PTPRM: variants seen among roughly 807,000 people sequenced by gnomAD.
The protein encoded by PTPRM is protein tyrosine phosphatase receptor type M.
PTPRM carries 47 observed loss-of-function variants against 186.7 expected under a neutral mutation model. The observed-to-expected ratio is 0.25, with a 90% CI of 0.20 to 0.32. The LOEUF (loss-of-function observed/expected upper bound fraction) is 0.32. PTPRM is among the 10% of genes least tolerant of loss of function. The pLI is 1.00. For missense variants in PTPRM, 1,494 were observed against 1,865.0 expected, an observed-to-expected ratio of 0.80 and a Z score of 3.66; for synonymous variants, 668 against 674.9, an observed-to-expected ratio of 0.99 and a Z score of 0.16.
chr18:7,702,958 T>C (rs1363361198), intron 1 of PTPRM, among the ~76,000 whole-genome samples: 1 of 152,222 alleles, frequency 6.6e-6, no homozygotes, highest in East Asian at 1.9e-4. Flanking sequence ...TTGCTGTTTT[T>C]GTCAGGTTTG....
At chr18:8,355,905 T>C (rs2095560967) in intron 23 of PTPRM, among the ~76,000 whole-genome samples, 1 of 152,162 alleles carries the variant, frequency 6.6e-6, no homozygotes, top group Non-Finnish European at 1.5e-5. Context: ...GACAGTGAGC[T>C]CTCTGGTCTC....
chr18:8,163,575 C>T (rs766944560), intron 14 of PTPRM, among the ~76,000 whole-genome samples: 2 of 152,134 alleles, frequency 1.3e-5, no homozygotes, highest in Non-Finnish European at 2.9e-5. Flanking sequence ...ATGTTCTTAT[C>T]CTGTGTACCT....
At chr18:7,597,296 T>G (rs2037290500) in intron 1 of PTPRM, among the ~76,000 whole-genome samples, 2 of 152,314 alleles carry the variant, frequency 1.3e-5, no homozygotes, top group African/African-American at 4.8e-5. Context: ...CCTTGAGGTG[T>G]GAAGTGGGGC....
At chr18:8,279,235 C>G (rs2094873625) in intron 19 of PTPRM, among the ~76,000 whole-genome samples, 1 of 152,104 alleles carries the variant, frequency 6.6e-6, no homozygotes, top group South Asian at 2.1e-4. Flanking sequence ...ATAATGACCT[C>G]TATCAAGGTC....
chr18:8,207,296 T>G (rs1343843059), intron 14 of PTPRM, among the ~76,000 whole-genome samples: 1 of 152,178 alleles, frequency 6.6e-6, no homozygotes, highest in Non-Finnish European at 1.5e-5. Context: ...GGGAAGCAAT[T>G]TATAGCTTGC....
chr18:8,185,884 C>G (rs995285070), intron 14 of PTPRM, among the ~76,000 whole-genome samples: 16 of 152,108 alleles, frequency 1.1e-4, no homozygotes, highest in African/African-American at 3.9e-4. Context: ...AAATGTGTCT[C>G]CCAATGTTGC....
intron 1 of PTPRM, among the ~76,000 whole-genome samples, chr18:7,678,638 CCT>C (rs1555650736): frequency 0.013 from 1,930 of 152,226 alleles, 8 homozygotes; most frequent in Non-Finnish European, 0.019. Context: ...GAAGTCCACC[CCT>C]GTTTTATTTT....
intron 23 of PTPRM, among the ~76,000 whole-genome samples, chr18:8,364,714 C>G (rs1238005916): frequency 6.6e-6 from 1 of 152,158 alleles, no homozygotes; most frequent in Non-Finnish European, 1.5e-5. Context: ...AAAGAAGAGT[C>G]TCTTAAAAAC....
chr18:7,998,405 C>A (rs1296272434), intron 7 of PTPRM, among the ~76,000 whole-genome samples: 1 of 151,874 alleles, frequency 6.6e-6, no homozygotes, highest in African/African-American at 2.4e-5. Flanking sequence ...CCCCAATTAC[C>A]CTGATTTGAT....
chr18:7,906,314 C>T (rs2049979884), intron 3 of PTPRM, among the ~76,000 whole-genome samples, 191 bp from the exon 4 acceptor site: 1 of 152,156 alleles, frequency 6.6e-6, no homozygotes, highest in Non-Finnish European at 1.5e-5. Flanking sequence ...CTATTGACCT[C>T]CCTGAAGACT....
chr18:7,854,968 AC>A (rs2047026834), intron 2 of PTPRM, among the ~76,000 whole-genome samples: 1 of 152,080 alleles, frequency 6.6e-6, no homozygotes, highest in South Asian at 2.1e-4. Flanking sequence ...AGCATCTCCT[AC>A]CCTCAGAAAT....
chr18:8,349,186 A>T (rs966128258), intron 23 of PTPRM, among the ~76,000 whole-genome samples: 19 of 152,240 alleles, frequency 1.2e-4, no homozygotes, highest in Non-Finnish European at 2.4e-4. Context: ...TGCAACAGCC[A>T]CCAGACCCAG....
intron 22 of PTPRM, among the ~76,000 whole-genome samples, chr18:8,319,745 T>C (rs1451961393): frequency 1.3e-5 from 2 of 152,172 alleles, no homozygotes; most frequent in African/African-American, 2.4e-5. Context: ...GTGGGATGAC[T>C]CAAAAACCGT....
intron 1 of PTPRM, among the ~76,000 whole-genome samples, chr18:7,679,916 A>C (rs1053601630): frequency 5.9e-5 from 9 of 151,992 alleles, no homozygotes; most frequent in Admixed American, 2.0e-4. Context: ...CTCAGGCTGG[A>C]GTGCAGTGGC....
At chr18:7,825,779 G>A (rs1234459339) in intron 2 of PTPRM, among the ~76,000 whole-genome samples, 2 of 152,136 alleles carry the variant, frequency 1.3e-5, no homozygotes, top group Non-Finnish European at 2.9e-5. Context: ...TATATTTTCA[G>A]TATCACCTGC....
At chr18:7,598,184 C>A (rs895320645) in intron 1 of PTPRM, among the ~76,000 whole-genome samples, 1 of 152,136 alleles carries the variant, frequency 6.6e-6, no homozygotes, top group Non-Finnish European at 1.5e-5. Context: ...GTCAGTATTT[C>A]TTATTCCAGA....
intron 19 of PTPRM, among the ~76,000 whole-genome samples, chr18:8,286,735 T>C (rs532483464): frequency 1.3e-5 from 2 of 152,342 alleles, no homozygotes; most frequent in African/African-American, 4.8e-5. Flanking sequence ...TGAGATGTAA[T>C]CATTTTTTGC....
chr18:7,733,583 TC>T (rs2144421865), intron 1 of PTPRM, among the ~76,000 whole-genome samples: 1 of 152,310 alleles, frequency 6.6e-6, no homozygotes. Flanking sequence ...TGATTTATAA[TC>T]CTTTGAGAAT....
At chr18:7,836,927 C>A (rs763136050) in intron 2 of PTPRM, among the ~76,000 whole-genome samples, 1 of 152,130 alleles carries the variant, frequency 6.6e-6, no homozygotes, top group Admixed American at 6.5e-5. Context: ...CCTTTATCCT[C>A]GACCTTTGGG....
Sources: gnomAD v4.1 joint callset for allele counts (sites outside exome capture counted in the v4.1 genomes callset) on GRCh38, gnomAD v4.1.1 for gene constraint, MANE v1.5 for transcripts, NCBI Gene and HGNC (gene_info 2026-07-23, HGNC 2026-07-21) for gene names.